Variants in SPATA13 observed in about 807,000 individuals in gnomAD.
The protein encoded by SPATA13 is spermatogenesis associated 13, also known as spermatogenesis-associated protein 13.
Under a neutral mutation model 104.0 loss-of-function variants are expected in SPATA13, and 50 were observed. That is an observed-to-expected ratio of 0.48 (90% CI 0.38 to 0.61). The LOEUF (loss-of-function observed/expected upper bound fraction) is 0.61, where lower values mean the gene tolerates loss of function less well. SPATA13 is among the 20% of genes least tolerant of loss of function. The pLI is 0.00. For synonymous variants in SPATA13, 606 were observed against 667.5 expected (o/e 0.91, Z 1.42); for missense variants, 1,524 against 1,690.6 (o/e 0.90, Z 1.73).
chr13:24,134,314 T>C (rs1240081546), intron 3 of SPATA13, among the ~76,000 whole-genome samples: 1 of 152,192 alleles, frequency 6.6e-6, no homozygotes, highest in East Asian at 1.9e-4. Context: ...ATGAAAAGTG[T>C]AAGCCCTGGC....
intron 2 of SPATA13, among the ~76,000 whole-genome samples, chr13:24,016,006 C>T (rs1476903631): frequency 5.3e-5 from 8 of 152,102 alleles, no homozygotes; most frequent in East Asian, 1.9e-4. Flanking sequence ...GGAGGGTACG[C>T]GGTGTGTATG....
intron 4 of SPATA13, among the ~76,000 whole-genome samples, chr13:24,262,395 C>A (rs1025732864): frequency 2.0e-5 from 3 of 150,398 alleles, no homozygotes; most frequent in Admixed American, 2.0e-4. Flanking sequence ...ATAGTTTGAT[C>A]AGATCACACC....
intron 9 of SPATA13, among the ~76,000 whole-genome samples, chr13:24,293,476 A>G (rs9580921): frequency 0.075 from 11,443 of 152,276 alleles, 501 homozygotes; most frequent in Non-Finnish European, 0.1. Flanking sequence ...CTCACTCTTC[A>G]GTAGTTGATT....
intron 1 of SPATA13, among the ~76,000 whole-genome samples, chr13:24,192,343 C>T (rs1214269203): frequency 1.3e-5 from 2 of 152,110 alleles, no homozygotes; most frequent in Non-Finnish European, 2.9e-5. Flanking sequence ...TAGTTCTCTG[C>T]TTGTGTTTTG....
rs759208554 is a variant in SPATA13, at chr13:24,302,727, C to T, written c.3788C>T (p.Ser1263Leu). 1.7e-5 allele frequency: 27 copies of T among 1,614,016 alleles called. No individual in the cohort carries two copies. The highest frequency in any genetic ancestry group is 4.5e-5 in the East Asian group (2 of 44,884). Residue 1263 changes from serine (S) to leucine (L), a missense_variant, in exon 13 of 13, where the codon TCG becomes TTG. Physicochemically the swap from Ser to Leu is moderately radical, Grantham distance 145. This residue lies in a region of SPATA13 where 435 missense variants were observed against 554.8 expected (regional missense o/e 0.78). Transcript: ENST00000382108. The part of the protein sequence containing the change: ...FGLAEPKRKS[S>L]LFWHTFNRLT... ...CTGGCGGAACCCAAGAGGAAGTCCT[C>T]GCTCTTCTGGCACACCTTCAACAGG...
chr13:24,202,982 T>G (rs1436255436), intron 1 of SPATA13, among the ~76,000 whole-genome samples: 1 of 152,134 alleles, frequency 6.6e-6, no homozygotes, highest in African/African-American at 2.4e-5. Flanking sequence ...TCCCTCAAGT[T>G]TTATTTTAAG....
At chr13:24,207,335 G>A (rs907377306) in intron 1 of SPATA13, among the ~76,000 whole-genome samples, 1 of 152,160 alleles carries the variant, frequency 6.6e-6, no homozygotes, top group Non-Finnish European at 1.5e-5. Context: ...GTTTACCTAG[G>A]TAACAAATCT....
At chr13:24,214,737 C>T (rs1291405400) in intron 1 of SPATA13, among the ~76,000 whole-genome samples, 1 of 152,222 alleles carries the variant, frequency 6.6e-6, no homozygotes, top group Non-Finnish European at 1.5e-5. Flanking sequence ...TCCTTAGTTG[C>T]ATGGGGACTC....
At chr13:24,142,336 T>A (rs565521418) in intron 3 of SPATA13, among the ~76,000 whole-genome samples, 2 of 152,292 alleles carry the variant, frequency 1.3e-5, no homozygotes, top group South Asian at 4.1e-4. Context: ...CAGGTTACAG[T>A]CCAGGATCCC....
At chr13:24,026,721 G>T (rs1488454997) in intron 3 of SPATA13, among the ~76,000 whole-genome samples, 2 of 152,074 alleles carry the variant, frequency 1.3e-5, no homozygotes, top group Non-Finnish European at 2.9e-5. Context: ...GGGACTACAG[G>T]TGCCCGCCAC....
upstream of SPATA13, among the ~76,000 whole-genome samples, chr13:24,157,255 T>C (rs905328818): frequency 6.6e-6 from 1 of 152,106 alleles, no homozygotes; most frequent in African/African-American, 2.4e-5. Context: ...AGTCTACCAA[T>C]GGATTTCTCC....
intron 2 of SPATA13, among the ~76,000 whole-genome samples, chr13:24,013,602 T>A (rs1876576036): frequency 6.6e-6 from 1 of 152,194 alleles, no homozygotes; most frequent in Non-Finnish European, 1.5e-5. Flanking sequence ...TGATCTCTAA[T>A]TTGCCTTTTG....
intron 1 of SPATA13, among the ~76,000 whole-genome samples, chr13:24,174,148 G>A (rs918821418): frequency 3.9e-5 from 6 of 152,164 alleles, no homozygotes; most frequent in African/African-American, 1.4e-4. Flanking sequence ...ATGGTTAAGG[G>A]CTGTTGAAGT....
At chr13:24,169,657 C>T (rs1882886488) in intron 1 of SPATA13, among the ~76,000 whole-genome samples, 1 of 152,214 alleles carries the variant, frequency 6.6e-6, no homozygotes, top group East Asian at 1.9e-4. Context: ...AGTGTCGCTT[C>T]TCAGCGGGAA....
At chr13:24,236,595 C>CA (rs60473362) in intron 2 of SPATA13, among the ~76,000 whole-genome samples, 128 of 118,126 alleles carry the variant, frequency 1.1e-3, no homozygotes, top group South Asian at 5.3e-3. Context: ...GACTCCATCT[C>CA]AAAAAAAAAA....
At chr13:24,189,620 ATTATATAAATATATATAT>A (rs1309981208) in intron 1 of SPATA13, among the ~76,000 whole-genome samples, 1 of 85,602 alleles carries the variant, frequency 1.2e-5, no homozygotes, top group African/African-American at 4.7e-5. Flanking sequence ...TATTTAATTT[ATTATATAAATATATATAT>A]TTATATATAT....
intron 3 of SPATA13, among the ~76,000 whole-genome samples, chr13:24,082,845 AAAAAAAAAAT>A (rs1391668476): frequency 2.0e-5 from 3 of 150,906 alleles, no homozygotes; most frequent in African/African-American, 7.3e-5. Flanking sequence ...AAAAAAAAAA[AAAAAAAAAAT>A]AAGATCTTTG....
rs1295989458 is a variant in SPATA13 at position 24,161,996 on chromosome 13, C to A, written c.-112+1064C>A. Among the ~76,000 whole-genome samples, 4 of 152,024 alleles carry A rather than the reference C, an allele frequency of 2.6e-5. No homozygotes were observed. The highest frequency in any genetic ancestry group is 5.9e-5 in the Non-Finnish European group (4 of 68,012). The stretch of plus-strand genomic sequence containing the variant: ...CCTTTTCTTTTTCCACCTTTCCCAA[C>A]AAATTCTCCTTTTTTCCTAATGTCC... On this transcript the variant is annotated intron_variant, in intron 1 of 12. Transcript: ENST00000382108. This position sits in a 1 kb window ranked among gnomAD's most constrained non-coding sequence, Gnocchi z 4.5.
chr13:24,237,663 C>T (rs1288458867), intron 2 of SPATA13, among the ~76,000 whole-genome samples: 2 of 151,902 alleles, frequency 1.3e-5, no homozygotes, highest in African/African-American at 4.8e-5. Flanking sequence ...ACTCATACAC[C>T]TAAAAATAAT....
Sources: allele counts gnomAD v4.1 joint callset (sites outside exome capture counted in the v4.1 genomes callset), GRCh38; gene constraint gnomAD v4.1.1; regional missense constraint gnomAD v4.1.1; non-coding constraint Gnocchi (gnomAD v3.1); transcripts MANE v1.5; gene names NCBI Gene and HGNC (gene_info 2026-07-23, HGNC 2026-07-21).